SULT1A2: variants seen among roughly 807,000 people sequenced by gnomAD.
SULT1A2 encodes sulfotransferase 1A2.
A neutral mutation model predicts 36.0 loss-of-function variants in SULT1A2; 33 were observed. That is an observed-to-expected ratio of 0.92 (90% confidence interval 0.69 to 1.22). The LOEUF (loss-of-function observed/expected upper bound fraction) is 1.22. Ranked by LOEUF, SULT1A2 falls within the 50% of genes most tolerant of loss-of-function variation. The pLI is 0.00. For synonymous variants in SULT1A2, 138 were observed against 144.5 expected (o/e 0.96, Z 0.32); for missense variants, 367 against 383.2 (o/e 0.96, Z 0.35).
rs2046998233 is a variant in SULT1A2, at chr16:28,592,066, T to C, written c.850A>G (p.Met284Val). The change falls in exon 8 of 8, where the codon ATG becomes GTG. Residue 284 changes from methionine (M) to valine (V), a missense_variant. Transcript: ENST00000335715. Reference sequence around the variant, plus strand: ...CGGAAGCTGAGGCTGCAGCCTGCCATCTTCTTCGCATAGTCCGCATCGAAG... The same window carrying C: ...CGGAAGCTGAGGCTGCAGCCTGCCACCTTCTTCGCATAGTCCGCATCGAAG... ...ERFDADYAKK[M>V]AGCSLSFRSE... The C allele has an allele frequency of 2.5e-6, 4 of 1,611,936 alleles. No individual in the cohort carries two copies. The highest frequency in any genetic ancestry group is 3.4e-6 in the Non-Finnish European group (4 of 1,179,946).
intron 4 of SULT1A2, among the ~76,000 whole-genome samples, chr16:28,594,586 G>A (rs937706753): frequency 2.0e-5 from 3 of 152,068 alleles, no homozygotes; most frequent in Non-Finnish European, 4.4e-5. Flanking sequence ...CCGAGTAGCT[G>A]GGATTACTGG....
At position 28,593,322 on chromosome 16, in the gene SULT1A2, T is replaced by G; in HGVS notation, c.524A>C (p.His175Pro). 6.2e-7 allele frequency: 1 copy of G among 1,614,166 alleles called. No homozygotes were observed. Among genetic ancestry groups the G allele is most frequent in the Non-Finnish European group, 8.5e-7 (1 of 1,180,024 alleles). Residue 175 changes from histidine to proline, a missense_variant, in exon 6 of 8, where the codon CAC becomes CCC. Coordinates refer to ENST00000335715, the MANE Select transcript of SULT1A2 (RefSeq NM_001054.4). ...GEVSYGSWYQ[H>P]VQEWWELSRT... ...GCTCAGCTCCCACCACTCTTGCACG[T>G]GCTGGTACCAGGACCCATAGGACAC...
intron 6 of SULT1A2, 182 bp from the exon 7 acceptor site, chr16:28,592,625 C>T: frequency 8.3e-7 from 1 of 1,204,726 alleles, no homozygotes; most frequent in Non-Finnish European, 1.2e-6. Flanking sequence ...GCCCTGTGAT[C>T]CCATCATGAG....
intron 4 of SULT1A2, among the ~76,000 whole-genome samples, chr16:28,594,001 A>AG (rs1251301735): frequency 2.0e-5 from 3 of 152,002 alleles, no homozygotes; most frequent in African/African-American, 7.3e-5. Context: ...CTCTCCCAGA[A>AG]GAACAGGACC....
chr16:28,592,600 A>C, intron 6 of SULT1A2, 157 bp from the exon 7 acceptor site: 1 of 1,363,634 alleles, frequency 7.3e-7, no homozygotes, highest in Non-Finnish European at 1.0e-6. Context: ...CCTGGGGCAA[A>C]ATGAATTGCT....
rs929554958 is a variant in SULT1A2, at chr16:28,593,287, G to A, written c.559C>T (p.Pro187Ser). The A allele has an allele frequency of 2.5e-6, 4 of 1,614,000 alleles. No homozygotes were observed. Among genetic ancestry groups the A allele is most frequent in the Non-Finnish European group, 3.4e-6 (4 of 1,180,038 alleles). ...TCTTCATAGAAGAGGTAGAGAACAGGGTGGGTGCGGCTCAGCTCCCACCAC... is the reference window on the plus strand; with the variant it reads ...TCTTCATAGAAGAGGTAGAGAACAGAGTGGGTGCGGCTCAGCTCCCACCAC... Reference protein sequence around the residue: ...QEWWELSRTHPVLYLFYEDMK... With the variant: ...QEWWELSRTHSVLYLFYEDMK... Residue 187 changes from proline to serine, a missense_variant, in exon 6 of 8, where the codon CCT (proline) becomes TCT (serine). Transcript: ENST00000335715.
At chr16:28,596,951 C>A in intron 1 of SULT1A2, 46 bp downstream of exon 1, 1 of 1,190,738 alleles carries the variant, frequency 8.4e-7, no homozygotes, top group Non-Finnish European at 1.1e-6. Flanking sequence ...GAGCCACAAG[C>A]TGAGCAGGGT....
rs761689245 is a variant in SULT1A2, at chr16:28,593,321, G to A, written c.525C>T (p.His175=). 84 of 1,614,068 alleles carry A rather than the reference G, an allele frequency of 5.2e-5. No homozygotes were observed. The highest frequency in any genetic ancestry group is 6.4e-5 in the Non-Finnish European group (76 of 1,180,034). ...GGCTCAGCTCCCACCACTCTTGCAC[G>A]TGCTGGTACCAGGACCCATAGGACA... The part of the protein sequence containing the change: ...GEVSYGSWYQ[H]VQEWWELSRT... Residue 175 remains histidine (H), a synonymous_variant, in exon 6 of 8, where the codon CAC becomes CAT. Coordinates refer to ENST00000335715, the MANE Select transcript of SULT1A2 (RefSeq NM_001054.4).
chr16:28,596,503 G>C (rs2151668429), intron 1 of SULT1A2: 1 of 552,216 alleles, frequency 1.8e-6, no homozygotes, highest in Non-Finnish European at 2.6e-6. Context: ...AACTGAGCTG[G>C]TATTGGGGGC....
At chr16:28,594,224 T>C in intron 4 of SULT1A2, among the ~76,000 whole-genome samples, 1 of 152,002 alleles carries the variant, frequency 6.6e-6, no homozygotes, top group East Asian at 1.9e-4. Flanking sequence ...CACTGCAACG[T>C]TGACCTCCCA....
intron 1 of SULT1A2, chr16:28,596,510 G>T: frequency 1.9e-6 from 1 of 519,844 alleles, no homozygotes; most frequent in Non-Finnish European, 2.8e-6. Context: ...CTGGTATTGG[G>T]GGCCAGAGCC....
chr16:28,595,672 G>A lies in SULT1A2; in HGVS notation c.152C>T (p.Thr51Ile). ...GTCCAGAATCTGGCTCACCCAGGTGGTGCCTGGAGAGGGAGGGAGATGGGA... is the reference window on the plus strand; with the variant it reads ...GTCCAGAATCTGGCTCACCCAGGTGATGCCTGGAGAGGGAGGGAGATGGGA... ...LLISTYPKSG[T>I]TWVSQILDMI... Residue 51 changes from threonine to isoleucine, a missense_variant, in exon 3 of 8, where the codon ACC becomes ATC. Physicochemically the swap from Thr to Ile is moderately conservative, Grantham distance 89. Coordinates refer to ENST00000335715, the MANE Select transcript of SULT1A2 (RefSeq NM_001054.4). 1 of 1,614,140 alleles carries A rather than the reference G, an allele frequency of 6.2e-7. No individual in the cohort carries two copies. Among genetic ancestry groups the A allele is most frequent in the Non-Finnish European group, 8.5e-7 (1 of 1,179,960 alleles).
At chr16:28,596,831 G>GAAA in intron 1 of SULT1A2, 166 bp downstream of exon 1, 4 of 347,616 alleles carry the variant, frequency 1.2e-5, no homozygotes, top group Non-Finnish European at 1.9e-5. Context: ...GGCCTCCCCG[G>GAAA]AAAAAAAAAA....
chr16:28,593,618 C>G (rs2047024688), intron 4 of SULT1A2, 50 bp from the exon 5 acceptor site: 3 of 1,609,430 alleles, frequency 1.9e-6, no homozygotes, highest in Non-Finnish European at 2.5e-6. Flanking sequence ...ACAGCCTGCC[C>G]CAGGCCAGCT....
intron 4 of SULT1A2, among the ~76,000 whole-genome samples, chr16:28,593,884 A>G (rs1047178683): frequency 3.3e-5 from 5 of 151,916 alleles, no homozygotes; most frequent in African/African-American, 4.8e-5. Context: ...CCCACCCTCT[A>G]CCTTTCTTAG....
chr16:28,595,367 C>T lies in SULT1A2; in HGVS notation c.372G>A (p.Lys124=), dbSNP rs2047045553. ...TGTGAACCACTGTGCCCAGTCTCAC[C>T]TTGACCTTCTGATCCAACAGAGTCT... ...LPQTLLDQKV[K]VVYVARNAKD... is the part of the protein sequence containing the mutation. Residue 124 remains lysine (K), a splice_region_variant and synonymous_variant, in exon 4 of 8, where the codon AAG becomes AAA. Transcript: ENST00000335715. The T allele has an allele frequency of 6.2e-7, 1 of 1,614,012 alleles. No individual in the cohort carries two copies. Among genetic ancestry groups the T allele is most frequent in the African/African-American group, 1.3e-5 (1 of 75,020 alleles).
At chr16:28,596,597 C>T (rs1022266448) in intron 1 of SULT1A2, 2 of 233,142 alleles carry the variant, frequency 8.6e-6, no homozygotes, top group African/African-American at 4.7e-5. Flanking sequence ...CCTGTAATCC[C>T]AGACCCTAGG....
chr16:28,593,450 G>T lies in SULT1A2; in HGVS notation c.491C>A (p.Ala164Asp). 6.2e-7 allele frequency: 1 copy of T among 1,614,154 alleles called. No homozygotes were observed. Among genetic ancestry groups the T allele is most frequent in the Non-Finnish European group, 8.5e-7 (1 of 1,180,008 alleles). ...TWESFLEKFM[A>D]GEVSYGSWYQ... is the part of the protein sequence containing the mutation. The stretch of plus-strand genomic sequence containing the variant: ...CCTCCCATCAAGCCCACCTTCTCCA[G>T]CCATGAACTTCTCCAGGAAGCTTTC... The change falls in exon 5 of 8, where the codon GCT becomes GAT. Residue 164 changes from alanine to aspartate, a missense_variant. Transcript: ENST00000335715.
rs2046999230 is a variant in SULT1A2 at position 28,592,099 on chromosome 16, T to C, written c.817A>G (p.Asn273Asp). The C allele has an allele frequency of 6.2e-7, 1 of 1,612,066 alleles. No homozygotes were observed. Among genetic ancestry groups the C allele is most frequent in the Non-Finnish European group, 8.5e-7 (1 of 1,179,914 alleles). ...DWKTTFTVAQ[N>D]ERFDADYAKK... ...GCATAGTCCGCATCGAAGCGCTCAT[T>C]CTGCGCCACGGTGAAGGTGGTCTTC... The change falls in exon 8 of 8, where the codon AAT (asparagine) becomes GAT (aspartate). Residue 273 changes from asparagine (N) to aspartate (D), a missense_variant. Coordinates refer to ENST00000335715, the MANE Select transcript of SULT1A2 (RefSeq NM_001054.4).
Sources: allele counts gnomAD v4.1 joint callset (sites outside exome capture counted in the v4.1 genomes callset), GRCh38; gene constraint gnomAD v4.1.1; transcripts MANE v1.5; gene names NCBI Gene and HGNC (gene_info 2026-07-23, HGNC 2026-07-21).